The following GSDME variants were observed in gnomAD, a reference collection of about 807,000 sequenced individuals.
The protein encoded by GSDME is gasdermin E.
In GSDME, 44 loss-of-function variants were observed where a neutral mutation model predicts 47.5. That is an observed-to-expected ratio of 0.93 (90% confidence interval 0.73 to 1.19). GSDME has a LOEUF of 1.19. GSDME is among the 50% of genes most tolerant of loss of function. The pLI, the probability that GSDME is intolerant of heterozygous loss-of-function variation, is 0.00. For missense variants in GSDME, 663 were observed against 604.2 expected, an observed-to-expected ratio of 1.10 and a Z score of -1.02; for synonymous variants, 258 against 252.8, an observed-to-expected ratio of 1.02 and a Z score of -0.20.
At chr7:24,792,150 T>G in the GSDME span, among the ~76,000 whole-genome samples, 1 of 152,252 alleles carries the variant, frequency 6.6e-6, no homozygotes, top group Non-Finnish European at 1.5e-5. Context: ...TATATTTGAT[T>G]CATTCCAACC....
the GSDME span, among the ~76,000 whole-genome samples, chr7:24,780,001 C>G: frequency 2.7e-4 from 41 of 152,398 alleles, no homozygotes; most frequent in Admixed American, 8.5e-4. This position sits in a 1 kb window ranked among gnomAD's most constrained non-coding sequence, Gnocchi z 4.1. Context: ...TGATCAGGGT[C>G]TTGGGGCTGG....
chr7:24,765,753 T>C, the GSDME span, among the ~76,000 whole-genome samples: 1 of 152,258 alleles, frequency 6.6e-6, no homozygotes, highest in Admixed American at 6.5e-5. Flanking sequence ...AGCACCAAGT[T>C]AGATATCTAT....
Position 24,708,234 on chromosome 7 carries a change from T to A in GSDME, c.883A>T (p.Asn295Tyr). ...LKQATLLLER[N>Y]FHPFAELPEP... Reference sequence around the variant, plus strand: ...GGCAGCTCCGCAAATGGATGGAAATTCCTCTCCAGGAGCAGGGTCGCTGTG... The same window carrying A: ...GGCAGCTCCGCAAATGGATGGAAATACCTCTCCAGGAGCAGGGTCGCTGTG... Residue 295 changes from asparagine to tyrosine, a missense_variant, in exon 7 of 10, where the codon AAT (asparagine) becomes TAT (tyrosine). Transcript: ENST00000645220. 6.2e-7 allele frequency: 1 copy of A among 1,614,134 alleles called. No individual in the cohort carries two copies. The highest frequency in any genetic ancestry group is 8.5e-7 in the Non-Finnish European group (1 of 1,180,032).
chr7:24,744,771 G>T lies in GSDME; in HGVS notation c.212-17C>A, dbSNP rs139651644. The T allele has an allele frequency of 1.2e-6, 2 of 1,613,634 alleles. No homozygotes were observed. The highest frequency in any genetic ancestry group is 4.5e-5 in the East Asian group (2 of 44,880). ...CCACGACCACTGGAATGGAGGAGAC[G>T]AGCAGAGGAAGCCGATGATGATAAG... On this transcript the variant is annotated splice_polypyrimidine_tract_variant and intron_variant, in intron 2 of 9. Transcript: ENST00000645220. The surrounding 1 kb of genome is among the most constrained non-coding windows in gnomAD (Gnocchi z 4.5).
chr7:24,784,659 C>T, the GSDME span, among the ~76,000 whole-genome samples: 2 of 134,260 alleles, frequency 1.5e-5, no homozygotes, highest in East Asian at 2.2e-4. Flanking sequence ...GACAGAGTCT[C>T]GGCAATTCTC....
intron 3 of GSDME, among the ~76,000 whole-genome samples, chr7:24,737,761 C>T (rs1205516639): frequency 6.6e-6 from 1 of 151,576 alleles, no homozygotes; most frequent in Non-Finnish European, 1.5e-5. Flanking sequence ...AAATGAATTC[C>T]ACAATACATT....
At chr7:24,746,271 T>A (rs533870584) in intron 2 of GSDME, among the ~76,000 whole-genome samples, 16 of 152,316 alleles carry the variant, frequency 1.1e-4, no homozygotes, top group African/African-American at 3.9e-4. Context: ...AACAAACATT[T>A]TGGGCAATGC....
chr7:24,784,848 C>T, the GSDME span, among the ~76,000 whole-genome samples: 7 of 152,078 alleles, frequency 4.6e-5, no homozygotes, highest in South Asian at 4.2e-4. Flanking sequence ...GTGTGAGCCA[C>T]CGCGCCCGGA....
chr7:24,719,256 CAG>C (rs1295664903), intron 3 of GSDME, 38 bp from the exon 4 acceptor site: 4 of 1,595,346 alleles, frequency 2.5e-6, no homozygotes, highest in South Asian at 1.1e-5. Context: ...CTTAGTGCCT[CAG>C]GGGACATTGG....
rs1024151860 is a variant in GSDME at position 24,710,236 on chromosome 7, C to T, written c.850G>A (p.Val284Ile). The T allele has an allele frequency of 1.2e-6, 2 of 1,614,006 alleles. No homozygotes were observed. Among genetic ancestry groups the T allele is most frequent in the Non-Finnish European group, 1.7e-6 (2 of 1,180,048 alleles). ...GISSQDGPLS[V>I]LKQATLLLER... The stretch of plus-strand genomic sequence containing the variant: ...CTGCTGGCAATACCTTGCTTTAAAA[C>T]ACTTAATGGTCCATCCTGGGAAGAT... The change falls in exon 6 of 10, where the codon GTT becomes ATT. Residue 284 changes from valine (V) to isoleucine (I), a missense_variant. By Grantham distance (29) the Val-to-Ile change is conservative. Coordinates refer to ENST00000645220, the MANE Select transcript of GSDME (RefSeq NM_001127453.2).
In GSDME at chr7:24,745,028, T is replaced by TGC. The variant is rs1790620991; in HGVS notation, c.212-275_212-274insGC. Reference sequence around the variant, plus strand: ...GTGTGTGTGTGTGTGTGTGTGTGTGTGTGTGTGGACCACGGGCACACAGTG... The same window carrying TGC: ...GTGTGTGTGTGTGTGTGTGTGTGTGTGCGTGTGTGGACCACGGGCACACAGTG... On this transcript the variant is annotated intron_variant, in intron 2 of 9. Coordinates refer to ENST00000645220, the MANE Select transcript of GSDME (RefSeq NM_001127453.2). The surrounding 1 kb of genome is among the most constrained non-coding windows in gnomAD (Gnocchi z 4.4). Among the ~76,000 whole-genome samples, 1 of 129,802 alleles carries TGC rather than the reference T, an allele frequency of 7.7e-6. No homozygotes were observed. Among genetic ancestry groups the TGC allele is most frequent in the African/African-American group, 3.1e-5 (1 of 32,244 alleles). The allele number at this position is 129,802 out of a possible 152,430, so 85.2% of individuals were successfully genotyped here. A position where few individuals can be genotyped will look rare whatever the true frequency, so the allele number is the denominator to read the frequency against.
chr7:24,783,976 G>C, the GSDME span, among the ~76,000 whole-genome samples: 42 of 152,124 alleles, frequency 2.8e-4, no homozygotes, highest in Non-Finnish European at 5.4e-4. Flanking sequence ...GGTCAGGAGA[G>C]GTCAGGCATG....
rs2721801 is a variant in GSDME at position 24,744,438 on chromosome 7, G to T, written c.404+124C>A. 3.8e-6 allele frequency: 4 copies of T among 1,061,822 alleles called. No homozygotes were observed. Among genetic ancestry groups the T allele is most frequent in the Non-Finnish European group, 5.8e-6 (4 of 691,822 alleles). The allele number at this position is 1,061,822 out of a possible 1,614,324, so 65.8% of individuals were successfully genotyped here. On this transcript the variant is annotated intron_variant, in intron 3 of 9. Transcript: ENST00000645220. The surrounding 1 kb of genome is among the most constrained non-coding windows in gnomAD (Gnocchi z 4.5). ...CTCCTCATGAAATTTCAACACAAGC[G>T]CATTCAATACATGTTTATTGATCGG...
chr7:24,761,536 C>T (rs1402476520), upstream of GSDME, among the ~76,000 whole-genome samples: 1 of 152,218 alleles, frequency 6.6e-6, no homozygotes, highest in African/African-American at 2.4e-5. This position sits in a 1 kb window ranked among gnomAD's most constrained non-coding sequence, Gnocchi z 4.4. Flanking sequence ...CTAATCACAT[C>T]CCAAAGGCCC....
chr7:24,751,463 A>G (rs576586975), intron 1 of GSDME, among the ~76,000 whole-genome samples: 3 of 152,314 alleles, frequency 2.0e-5, no homozygotes, highest in East Asian at 1.9e-4. Flanking sequence ...CCACCTTAAC[A>G]TGAATCTCTT....
rs1789196008 is a variant in GSDME, at chr7:24,708,182, T to A, written c.935A>T (p.Asp312Val). Residue 312 changes from aspartate to valine, a missense_variant, in exon 7 of 10, where the codon GAC becomes GTC. Asp to Val is a radical substitution (Grantham distance 152). Coordinates refer to ENST00000645220, the MANE Select transcript of GSDME (RefSeq NM_001127453.2). The stretch of plus-strand genomic sequence containing the variant: ...ATCAAATAGGACCGCCTGGAAGATG[T>A]CACTCAAAGCTGTCTGTTGTGGCTC... Reference protein sequence around the residue: ...LPEPQQTALSDIFQAVLFDDE... With the variant: ...LPEPQQTALSVIFQAVLFDDE... 6.2e-7 allele frequency: 1 copy of A among 1,614,006 alleles called. No individual in the cohort carries two copies. The highest frequency in any genetic ancestry group is 1.7e-5 in the Admixed American group (1 of 60,002).
Position 24,706,927 on chromosome 7 carries a change from G to A in GSDME, c.991-551C>T, listed in dbSNP as rs192275937. 1.5e-3 allele frequency among the ~76,000 whole-genome samples: 235 copies of A among 152,298 alleles called. 2 individuals are homozygous for A. Among genetic ancestry groups the A allele is most frequent in the African/African-American group, 5.2e-3 (218 of 41,566 alleles). On this transcript the variant is annotated intron_variant, in intron 7 of 9. Coordinates refer to ENST00000645220, the MANE Select transcript of GSDME (RefSeq NM_001127453.2). The stretch of plus-strand genomic sequence containing the variant: ...CTTGACCCCACCCTCGCCACCAGCC[G>A]GGCAGCTTGCTTCTCCAGCATTTGA...
At chr7:24,731,723 G>T (rs1431430623) in intron 3 of GSDME, among the ~76,000 whole-genome samples, 1 of 152,208 alleles carries the variant, frequency 6.6e-6, no homozygotes. Context: ...CTCTCATTGA[G>T]TTCTCACAGT....
chr7:24,698,484 C>T lies in GSDME; in HGVS notation c.*542G>A, dbSNP rs1788723928. ...AAATGCATATAGCTAGGGTCCCAAG[C>T]AGGGGTGTGTTACTGTTAGATTTTT... On this transcript the variant is annotated 3_prime_UTR_variant, in exon 10 of 10. Transcript: ENST00000645220. 5.5e-6 allele frequency: 1 copy of T among 181,028 alleles called. No individual in the cohort carries two copies. The highest frequency in any genetic ancestry group is 1.3e-4 in the South Asian group (1 of 7,728). The allele number at this position is 181,028 out of a possible 1,614,324, so 11.2% of individuals were successfully genotyped here.
Sources: gnomAD v4.1 joint callset for allele counts (sites outside exome capture counted in the v4.1 genomes callset) on GRCh38, gnomAD v4.1.1 for gene constraint, Gnocchi (gnomAD v3.1) non-coding constraint, MANE v1.5 for transcripts, NCBI Gene and HGNC (gene_info 2026-07-23, HGNC 2026-07-21) for gene names.